CHRM5: variants seen among roughly 807,000 people sequenced by gnomAD.
The protein encoded by CHRM5 is muscarinic acetylcholine receptor M5.
Under a neutral mutation model 39.0 loss-of-function variants are expected in CHRM5, and 18 were observed. The ratio of observed to expected loss-of-function variants is 0.46; its 90% confidence interval spans 0.32 to 0.68. The LOEUF is 0.68. CHRM5 is among the 30% of genes least tolerant of loss of function. The pLI is 0.04. For missense variants in CHRM5, 515 were observed against 651.1 expected (o/e 0.79, Z 2.28); for synonymous variants, 241 against 246.3 (o/e 0.98, Z 0.20).
intron 1 of CHRM5, among the ~76,000 whole-genome samples, chr15:34,036,900 A>T (rs1254882148): frequency 6.6e-6 from 1 of 152,156 alleles, no homozygotes; most frequent in Non-Finnish European, 1.5e-5. Context: ...ACCTGAGGTC[A>T]GGAGTTCGAG....
chr15:34,048,171 C>T (rs1401064360), intron 2 of CHRM5, among the ~76,000 whole-genome samples: 3 of 152,206 alleles, frequency 2.0e-5, no homozygotes, highest in Non-Finnish European at 4.4e-5. Flanking sequence ...CCACCACACC[C>T]GGCCAGACTG....
In CHRM5 at chr15:34,006,742, GAGAC is replaced by G. The variant is rs551256121; in HGVS notation, c.-408+37596_-408+37599del. Among the ~76,000 whole-genome samples the G allele has an allele frequency of 9.9e-5, 15 of 152,280 alleles. No individual in the cohort carries two copies. In the South Asian group the frequency reaches 3.1e-3, roughly 32 times the overall value. On this transcript the variant is annotated intron_variant, in intron 1 of 2. Transcript: ENST00000383263. ...ATCTCATTACCCCTACACAAATGCA[GAGAC>G]AGAGTTGTCATTAGCCTTCATTCAC...
At chr15:34,025,014 T>C (rs1898391359) in intron 1 of CHRM5, among the ~76,000 whole-genome samples, 1 of 151,224 alleles carries the variant, frequency 6.6e-6, no homozygotes, top group African/African-American at 2.4e-5. Flanking sequence ...CTACTAAAAA[T>C]ACAAAAATTA....
intron 1 of CHRM5, among the ~76,000 whole-genome samples, chr15:34,008,453 C>A (rs1282747221): frequency 6.7e-6 from 1 of 149,312 alleles, no homozygotes; most frequent in African/African-American, 2.5e-5. Context: ...AAAAATAATG[C>A]CTGAAAACTT....
intron 1 of CHRM5, chr15:34,038,999 G>A: frequency 8.9e-7 from 1 of 1,120,424 alleles, no homozygotes. Flanking sequence ...GCCGGCCGCG[G>A]CCTGGCCGCC....
chr15:34,058,658 T>TAC (rs1900238691), intron 2 of CHRM5, among the ~76,000 whole-genome samples: 1 of 151,564 alleles, frequency 6.6e-6, no homozygotes, highest in South Asian at 2.1e-4. Context: ...AAGTAACTAA[T>TAC]ACACCCTTGT....
At chr15:34,021,568 C>A (rs1333773375) in intron 1 of CHRM5, among the ~76,000 whole-genome samples, 1 of 152,280 alleles carries the variant, frequency 6.6e-6, no homozygotes, top group African/African-American at 2.4e-5. Flanking sequence ...AGAGCACTTA[C>A]ACATGGCCGT....
At chr15:34,029,484 C>T (rs1438079956) in intron 1 of CHRM5, among the ~76,000 whole-genome samples, 5 of 132,058 alleles carry the variant, frequency 3.8e-5, no homozygotes, top group Non-Finnish European at 6.1e-5. Context: ...AGTTCAAGAC[C>T]AGCCTGGGCA....
chr15:34,015,606 G>A (rs974949589), intron 1 of CHRM5, among the ~76,000 whole-genome samples: 1 of 152,086 alleles, frequency 6.6e-6, no homozygotes, highest in African/African-American at 2.4e-5. Flanking sequence ...TCGGTCTTTA[G>A]GAGCTAAGAA....
intron 1 of CHRM5, among the ~76,000 whole-genome samples, chr15:34,008,581 C>G (rs374243717): frequency 6.6e-6 from 1 of 150,966 alleles, no homozygotes; most frequent in South Asian, 2.1e-4. Context: ...CTCCGCCTCC[C>G]GGGTTCAAGT....
intron 2 of CHRM5, among the ~76,000 whole-genome samples, chr15:34,052,249 A>G (rs1190322853): frequency 6.6e-6 from 1 of 152,162 alleles, no homozygotes; most frequent in Admixed American, 6.5e-5. Context: ...AAAAAAAACC[A>G]CATGATTATC....
intron 1 of CHRM5, among the ~76,000 whole-genome samples, chr15:33,971,503 A>C (rs531401949): frequency 6.6e-6 from 1 of 152,164 alleles, no homozygotes; most frequent in Non-Finnish European, 1.5e-5. Context: ...GAACACATCC[A>C]TTTCGTGTAT....
At chr15:33,971,217 A>G (rs905726696) in intron 1 of CHRM5, among the ~76,000 whole-genome samples, 1 of 152,034 alleles carries the variant, frequency 6.6e-6, no homozygotes, top group African/African-American at 2.4e-5. Flanking sequence ...GAGATTCTGA[A>G]CAGTCTTGGG....
chr15:34,027,292 A>G (rs746502546), intron 1 of CHRM5, among the ~76,000 whole-genome samples: 30 of 152,112 alleles, frequency 2.0e-4, no homozygotes, highest in South Asian at 4.1e-4. Context: ...AGGCAGGCTG[A>G]TCACCTGAGG....
At chr15:33,973,187 C>A (rs996785565) in intron 1 of CHRM5, among the ~76,000 whole-genome samples, 4 of 152,130 alleles carry the variant, frequency 2.6e-5, no homozygotes, top group African/African-American at 9.7e-5. Flanking sequence ...ACTACGTGGG[C>A]CTTCTTATTT....
At chr15:34,018,066 T>C (rs1334384685) in intron 1 of CHRM5, among the ~76,000 whole-genome samples, 6 of 152,250 alleles carry the variant, frequency 3.9e-5, no homozygotes, top group African/African-American at 1.4e-4. Context: ...ATTTACTATA[T>C]TATACTTTTT....
chr15:34,032,255 C>G lies in CHRM5; in HGVS notation c.-407-14285C>G, dbSNP rs530036262. Among the ~76,000 whole-genome samples, 165 of 152,228 alleles carry G rather than the reference C, an allele frequency of 1.1e-3. 1 individual carries two copies. Among genetic ancestry groups the G allele is most frequent in the Middle Eastern group, 6.8e-3 (2 of 294 alleles). ...CTAGAAAAAGGCTAGTTAAGTCATGCTATGGTGTGGTTAGGATCAAATGAC... is the reference window on the plus strand; with the variant it reads ...CTAGAAAAAGGCTAGTTAAGTCATGGTATGGTGTGGTTAGGATCAAATGAC... On this transcript the variant is annotated intron_variant, in intron 1 of 2. Transcript: ENST00000383263.
rs114132485 is a variant in CHRM5, at chr15:34,051,704, A to G, written c.-76+4833A>G. Among the ~76,000 whole-genome samples, 1,430 of 152,302 alleles carry G rather than the reference A, an allele frequency of 9.4e-3. 25 individuals are homozygous for G. Among genetic ancestry groups the G allele is most frequent in the African/African-American group, 0.033 (1,355 of 41,554 alleles). ...ATCCAAACAATCATCAGAGAATACT[A>G]TAAACACTTCTATGCACGTAAACTA... On this transcript the variant is annotated intron_variant, in intron 2 of 2. Coordinates refer to ENST00000383263, the MANE Select transcript of CHRM5 (RefSeq NM_012125.4).
At chr15:34,022,868 T>G (rs904494289) in intron 1 of CHRM5, among the ~76,000 whole-genome samples, 6 of 152,220 alleles carry the variant, frequency 3.9e-5, no homozygotes, top group Non-Finnish European at 8.8e-5. Context: ...TGCTGAAAGC[T>G]TGCCTTTGGC....
Sources: gnomAD v4.1 joint callset for allele counts (sites outside exome capture counted in the v4.1 genomes callset) on GRCh38, gnomAD v4.1.1 for gene constraint, MANE v1.5 for transcripts, NCBI Gene and HGNC (gene_info 2026-07-23, HGNC 2026-07-21) for gene names.